Variants in SKAP2 observed in about 807,000 individuals in gnomAD.
The protein encoded by SKAP2 is src kinase-associated phosphoprotein 2.
A neutral mutation model predicts 54.9 loss-of-function variants in SKAP2; 28 were observed. The observed-to-expected ratio is 0.51, with a 90% CI of 0.38 to 0.70. The LOEUF is 0.70. Among genes scored for constraint, SKAP2 ranks in the 30% least tolerant of loss-of-function variants. The probability of loss-of-function intolerance (pLI) is 0.00; values close to 1 mark genes in which losing one functional copy is unlikely to be tolerated. For synonymous variants in SKAP2, 137 were observed against 134.3 expected, an observed-to-expected ratio of 1.02 and a Z score of -0.14; for missense variants, 356 against 424.1, an observed-to-expected ratio of 0.84 and a Z score of 1.41.
intron 4 of SKAP2, among the ~76,000 whole-genome samples, chr7:26,832,817 G>A (rs984063142): frequency 1.3e-5 from 2 of 152,130 alleles, no homozygotes; most frequent in East Asian, 1.9e-4. Flanking sequence ...AGGAGAATAA[G>A]TGCTAGTTTT....
intron 3 of SKAP2, 85 bp from the exon 4 acceptor site, chr7:26,844,222 T>A: frequency 1.3e-6 from 1 of 785,166 alleles, no homozygotes; most frequent in South Asian, 1.6e-5. Context: ...TGTTACTTTG[T>A]TAGAAGAGGT....
At chr7:26,706,318 G>A (rs2127948040) in intron 9 of SKAP2, among the ~76,000 whole-genome samples, 1 of 152,002 alleles carries the variant, frequency 6.6e-6, no homozygotes, top group Admixed American at 6.5e-5. Context: ...CAAACTTTTG[G>A]CACCAAATTT....
At chr7:26,775,537 G>A (rs1337188178) in intron 4 of SKAP2, among the ~76,000 whole-genome samples, 2 of 6,402 alleles carry the variant, frequency 3.1e-4, no homozygotes, top group Admixed American at 1.7e-3. Flanking sequence ...GTACGTGTGT[G>A]TGTGTGTGTG....
chr7:26,731,824 G>A (rs1356183621), intron 6 of SKAP2, among the ~76,000 whole-genome samples: 1 of 151,770 alleles, frequency 6.6e-6, no homozygotes, highest in Non-Finnish European at 1.5e-5. Flanking sequence ...CAACTGCCCC[G>A]ACGTTACCCC....
At chr7:26,665,680 GATC>G (rs1260070048), downstream of SKAP2, among the ~76,000 whole-genome samples, 1 of 152,072 alleles carries the variant, frequency 6.6e-6, no homozygotes, top group African/African-American at 2.4e-5. Flanking sequence ...ATGCTACTGT[GATC>G]ATATGATTTT....
chr7:26,806,300 C>G (rs1342433171), intron 4 of SKAP2, among the ~76,000 whole-genome samples: 1 of 152,150 alleles, frequency 6.6e-6, no homozygotes. Flanking sequence ...CTTTTGTAAT[C>G]CCAGCACTTT....
At chr7:26,745,397 A>T (rs2189016) in intron 4 of SKAP2, among the ~76,000 whole-genome samples, 103,273 of 152,102 alleles carry the variant, frequency 0.68, 35,316 homozygotes, top group East Asian at 0.9. Context: ...TGACAATTCA[A>T]ATAAATAAAG....
At chr7:26,837,975 T>C (rs950935363) in intron 4 of SKAP2, among the ~76,000 whole-genome samples, 1 of 152,226 alleles carries the variant, frequency 6.6e-6, no homozygotes, top group African/African-American at 2.4e-5. Context: ...TGTAGCTATA[T>C]GCCATTGGGC....
intron 1 of SKAP2, among the ~76,000 whole-genome samples, chr7:26,855,931 C>T (rs1785152780): frequency 6.6e-6 from 1 of 151,982 alleles, no homozygotes; most frequent in South Asian, 2.1e-4. Flanking sequence ...TTTTCCTTAA[C>T]TACTTTGTAT....
intron 4 of SKAP2, among the ~76,000 whole-genome samples, chr7:26,781,015 TATA>T (rs750072936): frequency 6.6e-6 from 1 of 152,180 alleles, no homozygotes. Context: ...AAATTCCTAT[TATA>T]ATGTTAACTT....
At chr7:26,706,730 C>G (rs1787165581) in intron 9 of SKAP2, among the ~76,000 whole-genome samples, 1 of 152,096 alleles carries the variant, frequency 6.6e-6, no homozygotes, top group Non-Finnish European at 1.5e-5. Context: ...AATGATTGAT[C>G]AGCACACAGA....
intron 4 of SKAP2, among the ~76,000 whole-genome samples, chr7:26,768,022 A>C (rs903716821): frequency 1.3e-5 from 2 of 152,066 alleles, no homozygotes; most frequent in Non-Finnish European, 2.9e-5. Context: ...ATCCTTGTTA[A>C]TTTTCTGTCT....
chr7:26,853,191 T>C (rs972196914), intron 3 of SKAP2, among the ~76,000 whole-genome samples: 3 of 152,182 alleles, frequency 2.0e-5, no homozygotes, highest in African/African-American at 2.4e-5. Context: ...TCTTTGTTTA[T>C]TGAAACTGTT....
intron 6 of SKAP2, among the ~76,000 whole-genome samples, chr7:26,733,785 A>G (rs1208194884): frequency 6.6e-6 from 1 of 152,178 alleles, no homozygotes; most frequent in East Asian, 1.9e-4. Flanking sequence ...CAATGAAAAA[A>G]TTAAAACCAT....
intron 4 of SKAP2, 151 bp downstream of exon 4, chr7:26,843,879 C>T (rs530176137): frequency 5.7e-5 from 29 of 509,460 alleles, no homozygotes; most frequent in Middle Eastern, 3.1e-4. Context: ...ACCAGAACCA[C>T]TAGAGAGAGC....
In SKAP2 at chr7:26,800,564, A is replaced by T. The variant is rs561915618; in HGVS notation, c.307+43466T>A. 6.6e-5 allele frequency among the ~76,000 whole-genome samples: 10 copies of T among 152,310 alleles called. No individual in the cohort carries two copies. In the South Asian group the frequency reaches 2.1e-3, roughly 32 times the overall value. ...AAAAAATACAAAAGATCAACCAAAA[A>T]GTTGGTTTTTTGAAATGTTAAACAA... On this transcript the variant is annotated intron_variant, in intron 4 of 12. Transcript: ENST00000345317.
Position 26,854,773 on chromosome 7 carries a change from T to C in SKAP2, c.173+12A>G, listed in dbSNP as rs1268149723. The C allele has an allele frequency of 6.3e-7, 1 of 1,580,810 alleles. No individual in the cohort carries two copies. Among genetic ancestry groups the C allele is most frequent in the Admixed American group, 1.8e-5 (1 of 56,930 alleles). On this transcript the variant is annotated intron_variant, in intron 2 of 12. Coordinates refer to ENST00000345317, the MANE Select transcript of SKAP2 (RefSeq NM_003930.5). ...ATGTAAGAAATCAGTAAACAAAAGG[T>C]AAGTGACTTACATAGACTTTACATC...
intron 1 of SKAP2, chr7:26,857,805 G>C: frequency 4.5e-6 from 4 of 880,706 alleles, no homozygotes; most frequent in Non-Finnish European, 5.4e-6. Context: ...CGAATCAAGT[G>C]TTCCTCTGGC....
chr7:26,814,069 T>C (rs1010343861), intron 4 of SKAP2, among the ~76,000 whole-genome samples: 2 of 152,190 alleles, frequency 1.3e-5, no homozygotes, highest in African/African-American at 2.4e-5. Context: ...GATCAAACGA[T>C]GCTACTCTAT....
Sources: gnomAD v4.1 joint callset for allele counts (sites outside exome capture counted in the v4.1 genomes callset) on GRCh38, gnomAD v4.1.1 for gene constraint, MANE v1.5 for transcripts, NCBI Gene and HGNC (gene_info 2026-07-23, HGNC 2026-07-21) for gene names.